The following IQGAP3 variants were observed in gnomAD, a reference collection of about 807,000 sequenced individuals.
IQGAP3 encodes IQ motif containing GTPase activating protein 3.
A neutral mutation model predicts 208.2 loss-of-function variants in IQGAP3; 165 were observed. The observed-to-expected ratio is 0.79, with a 90% CI of 0.70 to 0.90. The LOEUF is 0.90. Among genes scored for constraint, IQGAP3 ranks in the 40% least tolerant of loss-of-function variants. The probability of loss-of-function intolerance (pLI) is 0.00; values close to 1 mark genes in which losing one functional copy is unlikely to be tolerated. For synonymous variants in IQGAP3, 703 were observed against 803.6 expected (o/e 0.87, Z 2.12); for missense variants, 1,811 against 2,043.1 (o/e 0.89, Z 2.19).
chr1:156,526,427 A>T lies in IQGAP3; in HGVS notation c.*59T>A. The T allele has an allele frequency of 1.9e-6, 2 of 1,049,988 alleles. No individual in the cohort carries two copies. The highest frequency in any genetic ancestry group is 3.0e-6 in the Non-Finnish European group (2 of 667,868). The allele number at this position is 1,049,988 out of a possible 1,614,324, so 65.0% of individuals were successfully genotyped here. On this transcript the variant is annotated 3_prime_UTR_variant, in exon 38 of 38. Coordinates refer to ENST00000361170, the MANE Select transcript of IQGAP3 (RefSeq NM_178229.5). Reference sequence around the variant, plus strand: ...CTGCAGGGAAGCACAGTGGTGAGTTAGTGTTAAAGAAAGCATCCAGAGAGG... The same window carrying T: ...CTGCAGGGAAGCACAGTGGTGAGTTTGTGTTAAAGAAAGCATCCAGAGAGG...
At chr1:156,547,013 C>A (rs2102398170) in intron 19 of IQGAP3, among the ~76,000 whole-genome samples, 1 of 152,358 alleles carries the variant, frequency 6.6e-6, no homozygotes, top group South Asian at 2.1e-4. Context: ...ATGCTCTTGG[C>A]ATTCAAAGAA....
chr1:156,556,451 A>G, intron 12 of IQGAP3, 82 bp downstream of exon 12: 2 of 1,404,136 alleles, frequency 1.4e-6, no homozygotes, highest in Non-Finnish European at 2.0e-6. Context: ...TCGCACTCAC[A>G]AGAGGGTGGC....
chr1:156,529,303 G>A (rs1674265833), intron 34 of IQGAP3, among the ~76,000 whole-genome samples: 1 of 152,206 alleles, frequency 6.6e-6, no homozygotes, highest in Non-Finnish European at 1.5e-5. Context: ...AAGGCTGTTT[G>A]TTTTTTAGTA....
At chr1:156,553,562 C>A (rs1571344987) in intron 13 of IQGAP3, among the ~76,000 whole-genome samples, 1 of 147,824 alleles carries the variant, frequency 6.8e-6, no homozygotes, top group Non-Finnish European at 1.5e-5. Flanking sequence ...GTCTTTTCTT[C>A]TTTTCTTTTC....
At chr1:156,571,721 G>C (rs1295766635) in intron 1 of IQGAP3, among the ~76,000 whole-genome samples, 5 of 152,194 alleles carry the variant, frequency 3.3e-5, no homozygotes, top group African/African-American at 1.2e-4. Flanking sequence ...CTCAGGTCTG[G>C]AACTAGTTTT....
chr1:156,550,410 A>C, intron 15 of IQGAP3, 59 bp from the exon 16 acceptor site: 2 of 1,346,418 alleles, frequency 1.5e-6, no homozygotes, highest in Admixed American at 1.8e-5. Flanking sequence ...CTAGGTTCCC[A>C]GGCCAAGATG....
At chr1:156,546,377 C>T (rs1398761208) in intron 19 of IQGAP3, among the ~76,000 whole-genome samples, 1 of 152,236 alleles carries the variant, frequency 6.6e-6, no homozygotes, top group Non-Finnish European at 1.5e-5. Context: ...AGAGCCCACA[C>T]AGCTTTGGTA....
At chr1:156,537,694 T>G (rs1674760759) in intron 26 of IQGAP3, among the ~76,000 whole-genome samples, 2 of 152,172 alleles carry the variant, frequency 1.3e-5, no homozygotes, top group Admixed American at 1.3e-4. Context: ...TAAAGCCTCC[T>G]GTGCCATCCA....
Position 156,563,309 on chromosome 1 carries a change from T to A in IQGAP3, c.623A>T (p.His208Leu). 1 of 1,595,874 alleles carries A rather than the reference T, an allele frequency of 6.3e-7. No individual in the cohort carries two copies. The highest frequency in any genetic ancestry group is 8.6e-7 in the Non-Finnish European group (1 of 1,167,530). Residue 208 changes from histidine (H) to leucine (L), a missense_variant, in exon 8 of 38, where the codon CAT becomes CTT. Coordinates refer to ENST00000361170, the MANE Select transcript of IQGAP3 (RefSeq NM_178229.5). ...NELSVDEAAV[H>L]AAVLAINEAV... The stretch of plus-strand genomic sequence containing the variant: ...TTCATTGATGGCAAGAACAGCTGCA[T>A]GGACTGGGAGAGGGCATGGAAACAA...
At chr1:156,565,656 G>A (rs1170760827) in intron 4 of IQGAP3, among the ~76,000 whole-genome samples, 8 of 152,150 alleles carry the variant, frequency 5.3e-5, no homozygotes, top group Non-Finnish European at 7.3e-5. Flanking sequence ...TTGGGGTTTT[G>A]GACCTAGGCT....
chr1:156,548,079 C>T lies in IQGAP3; in HGVS notation c.2298G>A (p.Lys766=). The T allele has an allele frequency of 6.2e-7, 1 of 1,612,958 alleles. No individual in the cohort carries two copies. The highest frequency in any genetic ancestry group is 8.5e-7 in the Non-Finnish European group (1 of 1,179,448). The part of the protein sequence containing the change: ...FLRTWLPAVI[K]IQAHWRGYRQ... Reference sequence around the variant, plus strand: ...GAAAGCCAGAGCCTGCCACCTGGATCTTGATGACTGCTGGGAGCCAGGTCC... The same window carrying T: ...GAAAGCCAGAGCCTGCCACCTGGATTTTGATGACTGCTGGGAGCCAGGTCC... Residue 766 remains lysine, a synonymous_variant, in exon 19 of 38, where the codon AAG becomes AAA. Transcript: ENST00000361170.
chr1:156,527,419 A>G (rs538876350), intron 37 of IQGAP3, among the ~76,000 whole-genome samples: 60 of 152,146 alleles, frequency 3.9e-4, no homozygotes, highest in African/African-American at 1.4e-3. Flanking sequence ...CAGAGGTTGC[A>G]GTGAGCTGAG....
chr1:156,537,174 C>T lies in IQGAP3; in HGVS notation c.3422+7G>A, dbSNP rs757801203. On this transcript the variant is annotated splice_region_variant and intron_variant, in intron 27 of 37. Coordinates refer to ENST00000361170, the MANE Select transcript of IQGAP3 (RefSeq NM_178229.5). ...TGCGTAGGCTGGGGTGGGGCTGTTGCACATACGGAATTTGGTCCACAGATG... is the reference window on the plus strand; with the variant it reads ...TGCGTAGGCTGGGGTGGGGCTGTTGTACATACGGAATTTGGTCCACAGATG... The T allele has an allele frequency of 1.2e-6, 2 of 1,611,872 alleles. No homozygotes were observed. Among genetic ancestry groups the T allele is most frequent in the Non-Finnish European group, 1.7e-6 (2 of 1,178,836 alleles).
chr1:156,544,783 A>G (rs927391127), intron 19 of IQGAP3, among the ~76,000 whole-genome samples: 4 of 146,082 alleles, frequency 2.7e-5, no homozygotes, highest in Non-Finnish European at 5.9e-5. Context: ...CCTAAAAGAT[A>G]ATAAAGCATA....
intron 34 of IQGAP3, 31 bp downstream of exon 34, chr1:156,530,073 CA>C (rs1674309650): frequency 2.6e-6 from 4 of 1,527,244 alleles, no homozygotes; most frequent in Non-Finnish European, 3.6e-6. Context: ...CACGTACACA[CA>C]GGCACACGGA....
At chr1:156,543,734 T>G (rs1043675147) in intron 22 of IQGAP3, among the ~76,000 whole-genome samples, 2 of 152,102 alleles carry the variant, frequency 1.3e-5, no homozygotes, top group African/African-American at 4.8e-5. Flanking sequence ...GTGGTAGCAA[T>G]AGGCAGATAA....
At chr1:156,528,409 G>A in intron 36 of IQGAP3, 100 bp downstream of exon 36, 1 of 819,228 alleles carries the variant, frequency 1.2e-6, no homozygotes, top group Admixed American at 2.3e-5. Context: ...TCAAGATCGG[G>A]ACCATGCTTC....
Position 156,537,026 on chromosome 1 carries a change from T to C in IQGAP3, c.3422+155A>G, listed in dbSNP as rs1571319944. 18 of 724,026 alleles carry C rather than the reference T, an allele frequency of 2.5e-5. No homozygotes were observed. The East Asian group carries it at 5.1e-4, about 20-fold the overall frequency. 44.9% of individuals were successfully genotyped at this position (724,026 alleles called of 1,614,324 possible). On this transcript the variant is annotated intron_variant, in intron 27 of 37. Transcript: ENST00000361170. ...GCTCTCTAGCAGGAGCTTCGAGCATTCCCCACATCTCTTCAGGAACCCCTC... is the reference window on the plus strand; with the variant it reads ...GCTCTCTAGCAGGAGCTTCGAGCATCCCCCACATCTCTTCAGGAACCCCTC...
In IQGAP3 at chr1:156,572,531, T is replaced by C; in HGVS notation, c.-2A>G. ...TGGGCCCGCTGCTCTCCTCTCCATG[T>C]TCCTCCTTCTTCCAGGTTTGAATCT... On this transcript the variant is annotated 5_prime_UTR_variant, in exon 1 of 38. Transcript: ENST00000361170. The C allele has an allele frequency of 6.2e-7, 1 of 1,612,670 alleles. No homozygotes were observed. Among genetic ancestry groups the C allele is most frequent in the Non-Finnish European group, 8.5e-7 (1 of 1,179,852 alleles).
Sources: allele counts gnomAD v4.1 joint callset (sites outside exome capture counted in the v4.1 genomes callset), GRCh38; gene constraint gnomAD v4.1.1; transcripts MANE v1.5; gene names NCBI Gene and HGNC (gene_info 2026-07-23, HGNC 2026-07-21).